The following COBL variants were observed in gnomAD, a reference collection of about 807,000 sequenced individuals.
COBL encodes the protein cordon-bleu WH2 repeat protein.
A neutral mutation model predicts 98.8 loss-of-function variants in COBL; 51 were observed. That is an observed-to-expected ratio of 0.52 (90% CI 0.41 to 0.65). The LOEUF (loss-of-function observed/expected upper bound fraction) is 0.65. Ranked by LOEUF, COBL falls within the 30% of genes least tolerant of loss-of-function variation. COBL has a pLI of 0.00. For missense variants in COBL, 1,617 were observed against 1,617.5 expected (o/e 1.00, Z 0.01); for synonymous variants, 634 against 651.7 (o/e 0.97, Z 0.41).
intron 7 of COBL, among the ~76,000 whole-genome samples, chr7:51,084,700 T>C (rs1794029342): frequency 6.6e-6 from 1 of 152,090 alleles, no homozygotes. Context: ...TACCAGGTAA[T>C]ATAAGTGGAG....
At chr7:51,067,514 G>A (rs1297056458) in intron 7 of COBL, among the ~76,000 whole-genome samples, 2 of 152,158 alleles carry the variant, frequency 1.3e-5, no homozygotes, top group African/African-American at 4.8e-5. Flanking sequence ...TGCACCATGG[G>A]TGCACATGCA....
intron 7 of COBL, among the ~76,000 whole-genome samples, chr7:51,047,589 T>C (rs1269274881): frequency 2.6e-5 from 4 of 152,212 alleles, no homozygotes; most frequent in Non-Finnish European, 5.9e-5. Context: ...TGTCCTATGA[T>C]ATTGCTTTTT....
At chr7:51,104,512 G>A (rs1796082813) in intron 6 of COBL, among the ~76,000 whole-genome samples, 1 of 152,144 alleles carries the variant, frequency 6.6e-6, no homozygotes, top group Admixed American at 6.5e-5. Flanking sequence ...TCTGTAAAAC[G>A]TGGACAAAAA....
chr7:51,207,492 C>A (rs563600649), intron 2 of COBL, among the ~76,000 whole-genome samples: 1 of 152,290 alleles, frequency 6.6e-6, no homozygotes, highest in Admixed American at 6.5e-5. Context: ...CGAAGCAGGA[C>A]GGTACTGCTG....
At chr7:51,147,664 G>A (rs1269489910) in intron 5 of COBL, among the ~76,000 whole-genome samples, 2 of 152,150 alleles carry the variant, frequency 1.3e-5, no homozygotes, top group Non-Finnish European at 2.9e-5. Context: ...ATGACCTAAC[G>A]CCCGCTTGGA....
At chr7:51,196,326 C>A (rs1017491012) in intron 2 of COBL, among the ~76,000 whole-genome samples, 11 of 152,246 alleles carry the variant, frequency 7.2e-5, no homozygotes, top group African/African-American at 2.4e-4. Context: ...GTTGAACCAA[C>A]CTTACATCCC....
At position 51,136,154 on chromosome 7, in the gene COBL, C is replaced by T. The variant is rs1257509785; in HGVS notation, c.957+4G>A. On this transcript the variant is annotated splice_donor_region_variant and intron_variant, in intron 6 of 12. Transcript: ENST00000265136. ...TTGGTTGTGAGAACAGCCCACTGCCCTACCTTTTCCGATGCCTTGTCTTGC... is the reference window on the plus strand; with the variant it reads ...TTGGTTGTGAGAACAGCCCACTGCCTTACCTTTTCCGATGCCTTGTCTTGC... The T allele has an allele frequency of 6.2e-7, 1 of 1,609,958 alleles. No individual in the cohort carries two copies. Among genetic ancestry groups the T allele is most frequent in the Non-Finnish European group, 8.5e-7 (1 of 1,179,064 alleles).
At chr7:51,048,249 T>C (rs1488357553) in intron 7 of COBL, among the ~76,000 whole-genome samples, 1 of 152,210 alleles carries the variant, frequency 6.6e-6, no homozygotes, top group Admixed American at 6.5e-5. Flanking sequence ...CTCCTTCCAT[T>C]TTTCATTGAC....
chr7:51,243,906 T>C (rs1796054546), intron 1 of COBL, among the ~76,000 whole-genome samples: 1 of 152,178 alleles, frequency 6.6e-6, no homozygotes, highest in Non-Finnish European at 1.5e-5. Context: ...TGTCCTATAC[T>C]ACAGATGACA....
intron 1 of COBL, among the ~76,000 whole-genome samples, chr7:51,289,038 A>T (rs190540834): frequency 6.6e-6 from 1 of 152,328 alleles, no homozygotes; most frequent in Non-Finnish European, 1.5e-5. Context: ...CACAGAGAGA[A>T]AGGAGAACAG....
chr7:51,120,604 C>G (rs138896476), intron 6 of COBL, among the ~76,000 whole-genome samples: 1 of 152,136 alleles, frequency 6.6e-6, no homozygotes, highest in African/African-American at 2.4e-5. Context: ...TCTTGTAAAA[C>G]TGAAACTCTA....
intron 6 of COBL, among the ~76,000 whole-genome samples, chr7:51,131,918 A>G (rs532720044): frequency 1.6e-4 from 24 of 152,240 alleles, no homozygotes; most frequent in African/African-American, 4.6e-4. Flanking sequence ...AGAAGCTATC[A>G]GGACTGAAAG....
At chr7:51,115,209 T>C (rs185969963) in intron 6 of COBL, among the ~76,000 whole-genome samples, 66 of 152,334 alleles carry the variant, frequency 4.3e-4, no homozygotes, top group Admixed American at 4.3e-3. Context: ...GATCATATGG[T>C]TGATCATGTG....
intron 1 of COBL, among the ~76,000 whole-genome samples, chr7:51,298,584 C>T (rs970933963): frequency 2.0e-5 from 3 of 152,240 alleles, no homozygotes; most frequent in Non-Finnish European, 4.4e-5. Context: ...TCTTACTTAG[C>T]TCATGGCTCA....
intron 7 of COBL, among the ~76,000 whole-genome samples, chr7:51,082,274 C>A (rs909987068): frequency 1.3e-5 from 2 of 152,122 alleles, no homozygotes; most frequent in African/African-American, 4.8e-5. Flanking sequence ...TGTACACAGC[C>A]CAGGATGGCA....
chr7:51,124,049 T>C (rs1797983886), intron 6 of COBL, among the ~76,000 whole-genome samples: 2 of 152,164 alleles, frequency 1.3e-5, no homozygotes, highest in African/African-American at 2.4e-5. Flanking sequence ...TCCTCATTGG[T>C]AAAATGAAGA....
At chr7:51,187,910 G>C (rs1295182392) in intron 4 of COBL, 2 of 1,232,306 alleles carry the variant, frequency 1.6e-6, no homozygotes, top group Non-Finnish European at 2.0e-6. Flanking sequence ...CAGGTTCACT[G>C]TACCTTGACA....
intron 1 of COBL, chr7:51,260,225 C>T (rs1212961004): frequency 1.6e-6 from 1 of 642,508 alleles, no homozygotes; most frequent in Non-Finnish European, 2.7e-6. Flanking sequence ...GAAGATGGCA[C>T]TCACTCTATC....
chr7:51,049,962 A>C (rs1446878653), intron 7 of COBL, among the ~76,000 whole-genome samples: 1 of 152,158 alleles, frequency 6.6e-6, no homozygotes, highest in Non-Finnish European at 1.5e-5. Flanking sequence ...GTTTCCTCCA[A>C]GTGAAGTTTG....
Sources: allele counts gnomAD v4.1 joint callset (sites outside exome capture counted in the v4.1 genomes callset), GRCh38; gene constraint gnomAD v4.1.1; transcripts MANE v1.5; gene names NCBI Gene and HGNC (gene_info 2026-07-23, HGNC 2026-07-21).